FNIP2: variants seen among roughly 807,000 people sequenced by gnomAD.
The protein encoded by FNIP2 is folliculin interacting protein 2.
In FNIP2, 32 loss-of-function variants were observed where a neutral mutation model predicts 108.7. That is an observed-to-expected ratio of 0.29 (90% confidence interval 0.22 to 0.40). The LOEUF is 0.40. Among genes scored for constraint, FNIP2 ranks in the 10% least tolerant of loss-of-function variants. The pLI, the probability that FNIP2 is intolerant of heterozygous loss-of-function variation, is 1.00. For synonymous variants in FNIP2, 480 were observed against 496.7 expected (o/e 0.97, Z 0.45); for missense variants, 1,202 against 1,381.6 (o/e 0.87, Z 2.06).
At chr4:158,875,271 G>A (rs76142493) in intron 14 of FNIP2, among the ~76,000 whole-genome samples, 73 of 151,958 alleles carry the variant, frequency 4.8e-4, no homozygotes, top group African/African-American at 1.6e-3. Flanking sequence ...GGAGCAGACT[G>A]GACAGCTCTA....
At chr4:158,808,337 C>T (rs1777084798) in intron 1 of FNIP2, among the ~76,000 whole-genome samples, 1 of 152,176 alleles carries the variant, frequency 6.6e-6, no homozygotes, top group African/African-American at 2.4e-5. Context: ...TTCTCACCTT[C>T]GAAGTGATGC....
chr4:158,785,142 G>A (rs529019298), intron 1 of FNIP2, among the ~76,000 whole-genome samples: 55 of 146,402 alleles, frequency 3.8e-4, no homozygotes, highest in Non-Finnish European at 2.2e-4. Flanking sequence ...CTGGAGTGCA[G>A]TGGCACGATC....
intron 14 of FNIP2, among the ~76,000 whole-genome samples, chr4:158,870,696 A>G (rs1780893166): frequency 6.6e-6 from 1 of 152,226 alleles, no homozygotes; most frequent in African/African-American, 2.4e-5. Context: ...GGTGCGTGAC[A>G]TCAGAGCCCT....
At chr4:158,861,555 T>G (rs1342782352) in intron 11 of FNIP2, 52 bp from the exon 12 acceptor site, 1 of 1,613,598 alleles carries the variant, frequency 6.2e-7, no homozygotes, top group Non-Finnish European at 8.5e-7. Flanking sequence ...GCATAGGATG[T>G]GCCTCTTTCT....
rs1269920633 is a variant in FNIP2, at chr4:158,833,630, T to TA, written c.655+6dup. 6 of 1,605,368 alleles carry TA rather than the reference T, an allele frequency of 3.7e-6. No homozygotes were observed. The highest frequency in any genetic ancestry group is 5.1e-6 in the Non-Finnish European group (6 of 1,172,240). Reference sequence around the variant, plus strand: ...CTTGTCGTACTGGAAGTAACCTAGGTAAAATCAGAGATACAAACAAATTCT... The same window carrying TA: ...CTTGTCGTACTGGAAGTAACCTAGGTAAAAATCAGAGATACAAACAAATTCT... On this transcript the variant is annotated splice_region_variant and intron_variant, in intron 6 of 16. Transcript: ENST00000264433.
At chr4:158,832,197 G>C in intron 5 of FNIP2, 59 bp downstream of exon 5, 1 of 1,371,104 alleles carries the variant, frequency 7.3e-7, no homozygotes, top group Non-Finnish European at 1.0e-6. Flanking sequence ...TTTCTAGATA[G>C]ACTAATTCTT....
intron 16 of FNIP2, among the ~76,000 whole-genome samples, chr4:158,896,396 C>T (rs1782678227): frequency 6.6e-6 from 1 of 152,126 alleles, no homozygotes; most frequent in Admixed American, 6.5e-5. Flanking sequence ...GCCTATCATC[C>T]TCCAGAGGGT....
intron 1 of FNIP2, among the ~76,000 whole-genome samples, chr4:158,798,517 A>G (rs1339804969): frequency 1.3e-5 from 2 of 152,184 alleles, no homozygotes; most frequent in East Asian, 3.8e-4. Flanking sequence ...GGCACACTGA[A>G]TATTTTTCTG....
At chr4:158,847,916 G>A (rs1359194637) in intron 7 of FNIP2, among the ~76,000 whole-genome samples, 1 of 152,182 alleles carries the variant, frequency 6.6e-6, no homozygotes, top group East Asian at 1.9e-4. Context: ...CCTCTGCCTG[G>A]GGACAGGAGA....
At chr4:158,839,480 C>G (rs1341770390) in intron 7 of FNIP2, among the ~76,000 whole-genome samples, 1 of 152,158 alleles carries the variant, frequency 6.6e-6, no homozygotes, top group Non-Finnish European at 1.5e-5. Flanking sequence ...ATCCTCCCTC[C>G]TCAGCGCCCT....
At chr4:158,894,373 T>C (rs1782498508) in intron 15 of FNIP2, among the ~76,000 whole-genome samples, 1 of 152,074 alleles carries the variant, frequency 6.6e-6, no homozygotes, top group South Asian at 2.1e-4. Context: ...AGGCTCACTA[T>C]GTTGCCTAGG....
At position 158,861,866 on chromosome 4, in the gene FNIP2, C is replaced by G. The variant is rs1780318826; in HGVS notation, c.1465+90C>G. ...TGTAGTTTATACCGGCTCTCTCACC[C>G]AGTAATTCATAGGTTGTCTTTGGGC... On this transcript the variant is annotated intron_variant, in intron 12 of 16. Coordinates refer to ENST00000264433, the MANE Select transcript of FNIP2 (RefSeq NM_020840.3). 2.8e-6 allele frequency: 4 copies of G among 1,435,488 alleles called. No individual in the cohort carries two copies. The African/African-American group carries it at 5.6e-5, about 20-fold the overall frequency. The allele number at this position is 1,435,488 out of a possible 1,614,324, so 88.9% of individuals were successfully genotyped here.
chr4:158,876,838 A>T (rs1043375781), intron 14 of FNIP2, among the ~76,000 whole-genome samples: 3 of 152,212 alleles, frequency 2.0e-5, no homozygotes, highest in African/African-American at 7.2e-5. Context: ...CTTTAAAGAA[A>T]CTTAAAGGGG....
intron 1 of FNIP2, among the ~76,000 whole-genome samples, chr4:158,798,217 A>G (rs960623989): frequency 6.6e-6 from 1 of 151,774 alleles, no homozygotes; most frequent in African/African-American, 2.4e-5. Context: ...CGCACGCACC[A>G]CCATGCCTGA....
chr4:158,840,516 C>A (rs569988765), intron 7 of FNIP2, among the ~76,000 whole-genome samples: 2 of 152,268 alleles, frequency 1.3e-5, no homozygotes, highest in East Asian at 3.9e-4. Flanking sequence ...CTGCCTCAGC[C>A]TCCCAAGTAG....
intron 12 of FNIP2, among the ~76,000 whole-genome samples, chr4:158,865,888 T>A (rs1458682240): frequency 6.6e-6 from 1 of 152,088 alleles, no homozygotes. Context: ...ATCTAGTCAT[T>A]TTATAGAGAG....
At chr4:158,819,696 A>T (rs1392766919) in intron 1 of FNIP2, among the ~76,000 whole-genome samples, 2 of 152,210 alleles carry the variant, frequency 1.3e-5, no homozygotes, top group Non-Finnish European at 2.9e-5. Flanking sequence ...AACAGCTTTT[A>T]CTGGGTGGGA....
In FNIP2 at chr4:158,885,888, C is replaced by T. The variant is rs1172502160; in HGVS notation, c.2950-5558C>T. On this transcript the variant is annotated intron_variant, in intron 14 of 16. Transcript: ENST00000264433. ...TGAATTATCAGAACCACAGCTCTTG[C>T]GATTCTCTAAACCTTGTAGACAATT... Among the ~76,000 whole-genome samples the T allele has an allele frequency of 7.2e-5, 11 of 152,174 alleles. No homozygotes were observed. In the South Asian group the frequency reaches 1.0e-3, roughly 14 times the overall value.
At chr4:158,778,778 A>G (rs1775938636) in intron 1 of FNIP2, among the ~76,000 whole-genome samples, 1 of 152,224 alleles carries the variant, frequency 6.6e-6, no homozygotes, top group East Asian at 1.9e-4. Context: ...GCCTGTGGAT[A>G]AGAGGGCACT....
Sources: allele counts gnomAD v4.1 joint callset (sites outside exome capture counted in the v4.1 genomes callset), GRCh38; gene constraint gnomAD v4.1.1; transcripts MANE v1.5; gene names NCBI Gene and HGNC (gene_info 2026-07-23, HGNC 2026-07-21).